TBC1D32: variants seen among roughly 807,000 people sequenced by gnomAD.
TBC1D32 encodes the protein TBC1 domain family member 32.
TBC1D32 carries 151 observed loss-of-function variants against 170.3 expected under a neutral mutation model. That is an observed-to-expected ratio of 0.89 (90% CI 0.78 to 1.01). The LOEUF is 1.01. Ranked by LOEUF, TBC1D32 falls within the 50% of genes least tolerant of loss-of-function variation. The probability of loss-of-function intolerance (pLI) is 0.00; values close to 1 mark genes in which losing one functional copy is unlikely to be tolerated. For synonymous variants in TBC1D32, 498 were observed against 488.0 expected (o/e 1.02, Z -0.27); for missense variants, 1,464 against 1,457.1 (o/e 1.00, Z -0.08).
Position 121,239,123 on chromosome 6 carries a change from C to A in TBC1D32, c.2311G>T (p.Val771Leu). Reference protein sequence around the residue: ...NLEYGRDDVRVTHPRTTPVDP... With the variant: ...NLEYGRDDVRLTHPRTTPVDP... ...ACTGGAGTAGTTCTGGGATGGGTTA[C>A]CCTAACATCATCTCTTCCATATTCC... is the stretch of plus-strand genomic sequence containing the variant. The change falls in exon 20 of 32, where the codon GTA (valine) becomes TTA (leucine). Residue 771 changes from valine to leucine, a missense_variant. By Grantham distance (32) the Val-to-Leu change is conservative. Around this residue, in one of 3 missense-constraint regions of TBC1D32, gnomAD observed 1,363 missense variants for 1,338.1 expected, o/e 1.02. Transcript: ENST00000398212. 1 of 1,605,678 alleles carries A rather than the reference C, an allele frequency of 6.2e-7. No homozygotes were observed. The highest frequency in any genetic ancestry group is 1.1e-5 in the South Asian group (1 of 89,942).
At chr6:121,206,402 C>A (rs959712526) in intron 21 of TBC1D32, among the ~76,000 whole-genome samples, 2 of 151,756 alleles carry the variant, frequency 1.3e-5, no homozygotes, top group Admixed American at 6.6e-5. Flanking sequence ...ACCAATAGGG[C>A]AAAAGAAGAA....
At chr6:121,193,477 C>A (rs1291300041) in intron 22 of TBC1D32, among the ~76,000 whole-genome samples, 1 of 152,164 alleles carries the variant, frequency 6.6e-6, no homozygotes, top group African/African-American at 2.4e-5. Context: ...CTTTGAAGAG[C>A]CCTGTAATTG....
In TBC1D32 at chr6:121,113,162, G is replaced by T; in HGVS notation, c.3069C>A (p.Leu1023=). Residue 1023 remains leucine (L), a synonymous_variant, in exon 28 of 32, where the codon CTC becomes CTA. Coordinates refer to ENST00000398212, the MANE Select transcript of TBC1D32 (RefSeq NM_152730.6). The stretch of plus-strand genomic sequence containing the variant: ...TTTCTGCACCATCTTTTAAGAGACT[G>T]AGGAATTTGCCATACCTATATTAAA... The part of the protein sequence containing the change: ...IKMTVRYGKF[L]SLLKDGAEND... 6.2e-7 allele frequency: 1 copy of T among 1,607,884 alleles called. No individual in the cohort carries two copies. The highest frequency in any genetic ancestry group is 2.2e-5 in the East Asian group (1 of 44,626).
In TBC1D32 at chr6:121,243,627, A is replaced by T. The variant is rs146306785; in HGVS notation, c.2019-1288T>A. Among the ~76,000 whole-genome samples the T allele has an allele frequency of 1.7e-3, 252 of 152,196 alleles. 6 individuals are homozygous for T. In the East Asian group the frequency reaches 0.037, roughly 22 times the overall value. ...CAAACAATATCAGCATCCAATGAAGAATATATTGTCTTTTCAAGCAGACAG... is the reference window on the plus strand; with the variant it reads ...CAAACAATATCAGCATCCAATGAAGTATATATTGTCTTTTCAAGCAGACAG... On this transcript the variant is annotated intron_variant, in intron 17 of 31. Transcript: ENST00000398212.
chr6:121,161,939 T>G (rs191952513), intron 22 of TBC1D32, among the ~76,000 whole-genome samples: 74 of 152,342 alleles, frequency 4.9e-4, no homozygotes, highest in African/African-American at 1.7e-3. Context: ...ATCAGTGATG[T>G]TAAACTTTTT....
At position 121,256,287 on chromosome 6, in the gene TBC1D32, T is replaced by C. The variant is rs1438552472; in HGVS notation, c.1734-2A>G. The C allele has an allele frequency of 3.7e-6, 6 of 1,603,362 alleles. No homozygotes were observed. The highest frequency in any genetic ancestry group is 2.7e-5 in the African/African-American group (2 of 74,298). ...GCAATTATATGAGCACCTGTAGGAC[T>C]AAAAGATGATACCTGAAAGTGATTC... On this transcript the variant is annotated splice_acceptor_variant, in intron 15 of 31. Coordinates refer to ENST00000398212, the MANE Select transcript of TBC1D32 (RefSeq NM_152730.6). LOFTEE classifies it high-confidence loss of function.
At chr6:121,255,713 C>T (rs1268231776) in intron 16 of TBC1D32, among the ~76,000 whole-genome samples, 2 of 151,992 alleles carry the variant, frequency 1.3e-5, no homozygotes, top group Non-Finnish European at 2.9e-5. Context: ...CTGATATACA[C>T]ATATATGGCT....
intron 27 of TBC1D32, among the ~76,000 whole-genome samples, chr6:121,114,435 C>T (rs1227931542): frequency 1.3e-5 from 2 of 151,994 alleles, no homozygotes; most frequent in Non-Finnish European, 2.9e-5. Context: ...AGCAATAGGG[C>T]ATTATAAAAT....
chr6:121,223,197 G>C, intron 21 of TBC1D32, 39 bp downstream of exon 21: 1 of 1,260,940 alleles, frequency 7.9e-7, no homozygotes, highest in Non-Finnish European at 1.1e-6. Context: ...TCAAATAGTA[G>C]CATTTATAAC....
chr6:121,270,543 C>T (rs1801238264), intron 15 of TBC1D32, among the ~76,000 whole-genome samples: 1 of 152,124 alleles, frequency 6.6e-6, no homozygotes, highest in Admixed American at 6.5e-5. Flanking sequence ...CACATACACC[C>T]TCCCAAGACT....
intron 22 of TBC1D32, among the ~76,000 whole-genome samples, chr6:121,162,152 A>G (rs1170478673): frequency 6.6e-6 from 1 of 151,960 alleles, no homozygotes; most frequent in Admixed American, 6.6e-5. Flanking sequence ...TTGTCTGTCC[A>G]CTCTGATGAT....
chr6:121,147,853 A>G (rs533560317), intron 24 of TBC1D32, among the ~76,000 whole-genome samples: 23 of 151,410 alleles, frequency 1.5e-4, no homozygotes, highest in African/African-American at 5.3e-4. Flanking sequence ...CGGCCTCTCA[A>G]AGTGCTGGGA....
chr6:121,296,903 G>C (rs1188275029), intron 10 of TBC1D32, among the ~76,000 whole-genome samples: 2 of 151,942 alleles, frequency 1.3e-5, no homozygotes, highest in African/African-American at 4.8e-5. Flanking sequence ...TCAAAACACT[G>C]TCTCCAAAAT....
chr6:121,108,338 A>G (rs1778894960), intron 29 of TBC1D32, among the ~76,000 whole-genome samples: 1 of 152,022 alleles, frequency 6.6e-6, no homozygotes, highest in Non-Finnish European at 1.5e-5. Flanking sequence ...TAATTTGTTT[A>G]TCACTCTCTG....
chr6:121,152,575 G>C (rs139927074), intron 24 of TBC1D32, among the ~76,000 whole-genome samples: 1 of 152,070 alleles, frequency 6.6e-6, no homozygotes, highest in Non-Finnish European at 1.5e-5. Flanking sequence ...GGTTCTCCTC[G>C]GTAATATCCT....
At chr6:121,190,254 C>T (rs1789808178) in intron 22 of TBC1D32, among the ~76,000 whole-genome samples, 1 of 149,862 alleles carries the variant, frequency 6.7e-6, no homozygotes, top group African/African-American at 2.5e-5. Flanking sequence ...TCCCTCCTTC[C>T]CCCTCCACCT....
chr6:121,310,178 AACATGATG>A (rs1807969101), intron 4 of TBC1D32, among the ~76,000 whole-genome samples: 1 of 152,108 alleles, frequency 6.6e-6, no homozygotes, highest in Admixed American at 6.6e-5. Flanking sequence ...TCTACTGTAT[AACATGATG>A]ACATGATGAC....
Position 121,294,556 on chromosome 6 carries a change from G to A in TBC1D32, c.1231+14C>T. ...CCATTTTTAAAAGTATGTAATAGAGGAAATAATACTTACTGCAATGCTTTG... is the reference window on the plus strand; with the variant it reads ...CCATTTTTAAAAGTATGTAATAGAGAAAATAATACTTACTGCAATGCTTTG... On this transcript the variant is annotated intron_variant, in intron 11 of 31. Transcript: ENST00000398212. 1.9e-6 allele frequency: 3 copies of A among 1,574,798 alleles called. No homozygotes were observed. The highest frequency in any genetic ancestry group is 1.1e-5 in the South Asian group (1 of 87,058).
chr6:121,244,867 T>G (rs1797412118), intron 17 of TBC1D32, among the ~76,000 whole-genome samples: 1 of 152,188 alleles, frequency 6.6e-6, no homozygotes, highest in South Asian at 2.1e-4. Flanking sequence ...ACATAAACTT[T>G]TGGGAGCTTT....
Sources: allele counts gnomAD v4.1 joint callset (sites outside exome capture counted in the v4.1 genomes callset), GRCh38; gene constraint gnomAD v4.1.1; regional missense constraint gnomAD v4.1.1; transcripts MANE v1.5; gene names NCBI Gene and HGNC (gene_info 2026-07-23, HGNC 2026-07-21).